The following NAAA variants were observed in gnomAD, a reference collection of about 807,000 sequenced individuals.
The protein encoded by NAAA is N-acylethanolamine-hydrolyzing acid amidase.
NAAA carries 39 observed loss-of-function variants against 44.8 expected under a neutral mutation model. That is an observed-to-expected ratio of 0.87 (90% CI 0.67 to 1.14). NAAA has a LOEUF of 1.14. NAAA is among the 50% of genes most tolerant of loss of function. The pLI is 0.00. For missense variants in NAAA, 460 were observed against 467.8 expected, an observed-to-expected ratio of 0.98 and a Z score of 0.15; for synonymous variants, 178 against 191.3, an observed-to-expected ratio of 0.93 and a Z score of 0.58.
chr4:75,929,510 C>T (rs1727043847), intron 4 of NAAA, among the ~76,000 whole-genome samples: 1 of 152,166 alleles, frequency 6.6e-6, no homozygotes, highest in African/African-American at 2.4e-5. Flanking sequence ...TTTAACTGCT[C>T]ATACCTTAGA....
At chr4:75,938,890 C>T (rs889129403) in intron 2 of NAAA, among the ~76,000 whole-genome samples, 19 of 152,190 alleles carry the variant, frequency 1.2e-4, no homozygotes, top group Admixed American at 4.6e-4. Context: ...CTTTGTCGCC[C>T]AGGCTGCAGA....
intron 4 of NAAA, among the ~76,000 whole-genome samples, chr4:75,930,917 C>A (rs1560513800): frequency 6.6e-6 from 1 of 152,206 alleles, no homozygotes; most frequent in East Asian, 1.9e-4. Context: ...CTGGCTTCTG[C>A]AGAACTAGCT....
At chr4:75,917,833 A>C (rs1725774710) in intron 9 of NAAA, 1 of 394,982 alleles carries the variant, frequency 2.5e-6, no homozygotes, top group African/African-American at 2.1e-5. Flanking sequence ...ATCCTAGGCT[A>C]TACACTAGAG....
At position 75,914,980 on chromosome 4, in the gene NAAA, G is replaced by A; in HGVS notation, c.1004C>T (p.Thr335Ile). The stretch of plus-strand genomic sequence containing the variant: ...GGCGCTCATTACCGTAGTATAAATT[G>A]TGAAGCTGAAAATTATGAGGAAATT... ...LSVVPVYNNFTIYTTVMSAGS... is the reference protein window; with the variant it reads ...LSVVPVYNNFIIYTTVMSAGS... Residue 335 changes from threonine to isoleucine, a missense_variant, in exon 10 of 11, where the codon ACA becomes ATA. Thr to Ile is a moderately conservative substitution (Grantham distance 89, BLOSUM62 -1). Transcript: ENST00000286733. 1 of 1,609,376 alleles carries A rather than the reference G, an allele frequency of 6.2e-7. No homozygotes were observed.
chr4:75,925,373 T>C (rs957050945), intron 5 of NAAA, among the ~76,000 whole-genome samples: 6 of 152,308 alleles, frequency 3.9e-5, no homozygotes, highest in Non-Finnish European at 8.8e-5. Flanking sequence ...CAAACTCAAA[T>C]TGGTTTCACA....
downstream of NAAA, among the ~76,000 whole-genome samples, chr4:75,910,758 A>T (rs986525570): frequency 1.3e-5 from 2 of 152,256 alleles, no homozygotes; most frequent in African/African-American, 2.4e-5. Flanking sequence ...CTTAAACAAA[A>T]TTCAATATCT....
At chr4:75,931,363 C>T in intron 3 of NAAA, 59 bp from the exon 4 acceptor site, 1 of 1,249,256 alleles carries the variant, frequency 8.0e-7, no homozygotes, top group South Asian at 1.3e-5. Context: ...ACTGAAATCA[C>T]CTGTTCTGCC....
At chr4:75,918,442 G>A (rs974729771) in intron 9 of NAAA, among the ~76,000 whole-genome samples, 15 of 151,852 alleles carry the variant, frequency 9.9e-5, no homozygotes, top group African/African-American at 2.2e-4. Flanking sequence ...GTGACAGAGC[G>A]AGACTCTGGC....
downstream of NAAA, chr4:75,911,491 T>C (rs967107649): frequency 2.3e-5 from 10 of 435,558 alleles, no homozygotes; most frequent in South Asian, 1.7e-4. Flanking sequence ...TTTTAATGGA[T>C]AATTTGGTGA....
At chr4:75,923,333 G>A (rs111339109) in intron 5 of NAAA, among the ~76,000 whole-genome samples, 3,493 of 152,244 alleles carry the variant, frequency 0.023, 130 homozygotes, top group African/African-American at 0.079. Context: ...AGTGAGGGTA[G>A]AAGAGTCCTT....
chr4:75,918,733 G>A lies in NAAA; in HGVS notation c.998+28C>T, dbSNP rs760392624. On this transcript the variant is annotated intron_variant, in intron 9 of 10. Coordinates refer to ENST00000286733, the MANE Select transcript of NAAA (RefSeq NM_014435.4). ...AGTTCACTGTTCTGGAGTGATGTGT[G>A]AACAGACATGTTTAACAAGCCACTT... is the stretch of plus-strand genomic sequence containing the variant. The A allele has an allele frequency of 2.5e-6, 4 of 1,610,100 alleles. No individual in the cohort carries two copies. In the African/African-American group the frequency reaches 4.0e-5, roughly 16 times the overall value.
chr4:75,910,706 C>T (rs1224577555), downstream of NAAA, among the ~76,000 whole-genome samples: 1 of 152,178 alleles, frequency 6.6e-6, no homozygotes, highest in Non-Finnish European at 1.5e-5. Context: ...GAACAAAAGA[C>T]ACAAACTTGA....
At chr4:75,921,997 G>T (rs188203034) in intron 5 of NAAA, among the ~76,000 whole-genome samples, 1 of 152,100 alleles carries the variant, frequency 6.6e-6, no homozygotes, top group Non-Finnish European at 1.5e-5. Context: ...TGGAGGGCCT[G>T]CTCTTCCTGT....
chr4:75,919,854 C>G (rs780957777), intron 8 of NAAA, 55 bp downstream of exon 8: 28 of 1,481,328 alleles, frequency 1.9e-5, no homozygotes, highest in Non-Finnish European at 2.5e-5. Context: ...TTCATATTCA[C>G]TATTAACAAA....
At chr4:75,932,063 C>T (rs976479988) in intron 3 of NAAA, among the ~76,000 whole-genome samples, 1 of 152,064 alleles carries the variant, frequency 6.6e-6, no homozygotes, top group African/African-American at 2.4e-5. Context: ...AACCTGGATT[C>T]TACTAAAAAT....
At chr4:75,917,934 C>T (rs561755232) in intron 9 of NAAA, among the ~76,000 whole-genome samples, 163 of 152,248 alleles carry the variant, frequency 1.1e-3, no homozygotes, top group Non-Finnish European at 1.5e-3. Flanking sequence ...GGAACAGCTT[C>T]GGAGATAGTG....
rs921622891 is a variant in NAAA at position 75,940,785 on chromosome 4, G to A, written c.165C>T (p.Tyr55=). 11 of 1,598,974 alleles carry A rather than the reference G, an allele frequency of 6.9e-6. No homozygotes were observed. Among genetic ancestry groups the A allele is most frequent in the East Asian group, 4.5e-5 (2 of 44,514 alleles). The stretch of plus-strand genomic sequence containing the variant: ...TCGCGGCGCGCACCAAGTCCAAGTC[G>A]TAGTGCCGCAGCACGGGCAGCCAGC... ...ELRWLPVLRH[Y]DLDLVRAAMA... Residue 55 remains tyrosine (Y), a synonymous_variant, in exon 1 of 11, where the codon TAC becomes TAT. Coordinates refer to ENST00000286733, the MANE Select transcript of NAAA (RefSeq NM_014435.4).
At chr4:75,924,113 C>A (rs183298047) in intron 5 of NAAA, among the ~76,000 whole-genome samples, 3 of 152,302 alleles carry the variant, frequency 2.0e-5, no homozygotes, top group Admixed American at 6.5e-5. Context: ...CTTTCTTTCG[C>A]CTGTTAAACT....
At chr4:75,934,065 T>C (rs1470693413) in intron 3 of NAAA, among the ~76,000 whole-genome samples, 1 of 30,630 alleles carries the variant, frequency 3.3e-5, no homozygotes, top group African/African-American at 4.7e-4. Flanking sequence ...ATAATAATAA[T>C]AATAATAATA....
Sources: allele counts gnomAD v4.1 joint callset (sites outside exome capture counted in the v4.1 genomes callset), GRCh38; gene constraint gnomAD v4.1.1; transcripts MANE v1.5; gene names NCBI Gene and HGNC (gene_info 2026-07-23, HGNC 2026-07-21).